DMD: variants seen among roughly 807,000 people sequenced by gnomAD.
DMD encodes dystrophin.
DMD carries 63 observed loss-of-function variants against 330.1 expected under a neutral mutation model. The ratio of observed to expected loss-of-function variants is 0.19; its 90% CI spans 0.16 to 0.24. The LOEUF is 0.24. Ranked by LOEUF, DMD falls within the 10% of genes least tolerant of loss-of-function variation. DMD has a pLI of 1.00. For synonymous variants in DMD, 1,223 were observed against 959.8 expected, an observed-to-expected ratio of 1.27 and a Z score of -5.07; for missense variants, 3,344 against 2,684.1, an observed-to-expected ratio of 1.25 and a Z score of -5.43.
chrX:32,711,068 A>G (rs138492783), intron 7 of DMD, among the ~76,000 whole-genome samples: 355 of 111,901 alleles, frequency 3.2e-3, no homozygotes, highest in African/African-American at 0.01. Flanking sequence ...GACTAAATAG[A>G]GAAAAGGAAA....
chrX:33,174,518 A>T (rs185141026), intron 1 of DMD, among the ~76,000 whole-genome samples: 2 of 111,568 alleles, frequency 1.8e-5, no homozygotes, highest in African/African-American at 3.3e-5. Context: ...TACAAGGCTT[A>T]TATTTGCATA....
chrX:31,731,183 A>T (rs986692870), intron 51 of DMD, among the ~76,000 whole-genome samples: 1 of 112,193 alleles, frequency 8.9e-6, no homozygotes, highest in Non-Finnish European at 1.9e-5. Context: ...GTGATTGCTC[A>T]GAAAAAAAAT....
At chrX:32,511,311 C>A (rs190883323) in intron 18 of DMD, among the ~76,000 whole-genome samples, 21 of 109,768 alleles carry the variant, frequency 1.9e-4, no homozygotes, top group African/African-American at 6.0e-4. Flanking sequence ...ATCACAAGGT[C>A]AGGAGATGGA....
chrX:32,808,728 C>T lies in DMD; in HGVS notation c.649+765G>A, dbSNP rs1014701314. On this transcript the variant is annotated intron_variant, in intron 7 of 78. Transcript: ENST00000357033. ...TACCCAAATATCATCTTCAATCCCACCGATTTCACTTTTCCAACTCCTGAT... is the reference window on the plus strand; with the variant it reads ...TACCCAAATATCATCTTCAATCCCATCGATTTCACTTTTCCAACTCCTGAT... 2.7e-5 allele frequency among the ~76,000 whole-genome samples: 3 copies of T among 111,964 alleles called. No individual in the cohort carries two copies. The South Asian group carries it at 1.1e-3, about 42-fold the overall frequency.
chrX:31,791,700 T>C (rs762581703), intron 50 of DMD, among the ~76,000 whole-genome samples: 7 of 112,152 alleles, frequency 6.2e-5, no homozygotes, highest in Non-Finnish European at 1.1e-4. Flanking sequence ...TTTATCCTTG[T>C]TGTTTCTTAG....
chrX:31,665,943 A>G lies in DMD; in HGVS notation c.7873-7799T>C, dbSNP rs188690819. On this transcript the variant is annotated intron_variant, in intron 53 of 78. Transcript: ENST00000357033. Reference sequence around the variant, plus strand: ...AGTGCTTCGTTACCTTAATTTCATTATGACATTTTTGAAAGCATTCTCTTT... The same window carrying G: ...AGTGCTTCGTTACCTTAATTTCATTGTGACATTTTTGAAAGCATTCTCTTT... Among the ~76,000 whole-genome samples, 12 of 112,107 alleles carry G rather than the reference A, an allele frequency of 1.1e-4. No homozygotes were observed. In the Admixed American group the frequency reaches 1.1e-3, roughly 11 times the overall value.
intron 30 of DMD, among the ~76,000 whole-genome samples, chrX:32,396,596 T>C (rs2098045946): frequency 9.1e-6 from 1 of 109,320 alleles, no homozygotes. Context: ...CAACACTTTG[T>C]AGATGTTATC....
chrX:32,793,543 GA>G (rs539553963), intron 7 of DMD, among the ~76,000 whole-genome samples: 183 of 101,316 alleles, frequency 1.8e-3, no homozygotes, highest in Middle Eastern at 5.2e-3. Context: ...GACTAACCAA[GA>G]AAAAAAAAAG....
chrX:33,096,439 A>C (rs1569554338), intron 1 of DMD, among the ~76,000 whole-genome samples: 1 of 111,346 alleles, frequency 9.0e-6, no homozygotes, highest in African/African-American at 3.3e-5. Flanking sequence ...TAAATCTATA[A>C]GTTAAAATGT....
intron 1 of DMD, among the ~76,000 whole-genome samples, chrX:33,075,388 TA>T (rs2094824207): frequency 9.0e-6 from 1 of 111,290 alleles, no homozygotes; most frequent in Non-Finnish European, 1.9e-5. Context: ...TGAGTAATAG[TA>T]AAACTCTGAT....
At chrX:31,476,420 TAC>T (rs1167527887) in intron 59 of DMD, among the ~76,000 whole-genome samples, 72 of 91,926 alleles carry the variant, frequency 7.8e-4, no homozygotes, top group South Asian at 6.4e-3. Flanking sequence ...TATATATATA[TAC>T]ACACACACAC....
At position 32,375,079 on chromosome X, in the gene DMD, C is replaced by T. The variant is rs183038118; in HGVS notation, c.4845+5431G>A. Among the ~76,000 whole-genome samples the T allele has an allele frequency of 7.2e-5, 8 of 110,971 alleles. No individual in the cohort carries two copies. The East Asian group carries it at 2.3e-3, about 32-fold the overall frequency. On this transcript the variant is annotated intron_variant, in intron 34 of 78. Coordinates refer to ENST00000357033, the MANE Select transcript of DMD (RefSeq NM_004006.3). ...TCTTAAGGATAGAACAGCACTGCTG[C>T]CACACAAACTGACCATACACAGGCT...
intron 55 of DMD, among the ~76,000 whole-genome samples, chrX:31,607,630 C>G (rs965214430): frequency 8.9e-6 from 1 of 112,021 alleles, no homozygotes; most frequent in African/African-American, 3.2e-5. Context: ...TTTGATTAGG[C>G]CAAAATGCAG....
intron 59 of DMD, among the ~76,000 whole-genome samples, chrX:31,451,656 A>T (rs1325378796): frequency 9.0e-6 from 1 of 110,588 alleles, no homozygotes; most frequent in Non-Finnish European, 1.9e-5. Flanking sequence ...CAAAACTGGG[A>T]TTGTCACCCT....
intron 16 of DMD, among the ~76,000 whole-genome samples, chrX:32,552,429 G>A (rs1481176716): frequency 1.8e-5 from 2 of 111,381 alleles, no homozygotes; most frequent in Non-Finnish European, 3.8e-5. Flanking sequence ...AACCCGAGGT[G>A]GATTAAAGAC....
At position 32,518,021 on chromosome X, in the gene DMD, T is replaced by C; in HGVS notation, c.2279A>G (p.Lys760Arg). The change falls in exon 18 of 79, where the codon AAA becomes AGA. Residue 760 changes from lysine (K) to arginine (R), a missense_variant. Physicochemically the swap from Lys to Arg is conservative, Grantham distance 26. Coordinates refer to ENST00000357033, the MANE Select transcript of DMD (RefSeq NM_004006.3). ...TGCATAACCTACATTGACTTTTTCT[T>C]TTAAGTCTGAGAAGTTGCCTTCCTT... is the stretch of plus-strand genomic sequence containing the variant. ...FRKEGNFSDL[K>R]EKVNAIEREK... is the part of the protein sequence containing the mutation. 4 of 1,210,993 alleles carry C rather than the reference T, an allele frequency of 3.3e-6. No homozygotes were observed. Among genetic ancestry groups the C allele is most frequent in the East Asian group, 3.0e-5 (1 of 33,816 alleles).
At chrX:32,077,698 A>G (rs770103881) in intron 44 of DMD, among the ~76,000 whole-genome samples, 3 of 111,307 alleles carry the variant, frequency 2.7e-5, no homozygotes, top group Non-Finnish European at 5.7e-5. Context: ...TATATTATTT[A>G]CTCAGCCTAC....
intron 7 of DMD, among the ~76,000 whole-genome samples, chrX:32,759,848 GGGGGGGGGGGGC>G (rs2072005373): frequency 2.1e-5 from 1 of 47,009 alleles, no homozygotes; most frequent in African/African-American, 1.0e-4. Flanking sequence ...TTTCTTGGGG[GGGGGGGGGGGGC>G]GGGGGAAGAC....
At chrX:32,975,208 A>G (rs936883602) in intron 2 of DMD, among the ~76,000 whole-genome samples, 1 of 110,925 alleles carries the variant, frequency 9.0e-6, no homozygotes, top group African/African-American at 3.3e-5. Flanking sequence ...CCAATATCCA[A>G]TAAACCCAGC....
Sources: allele counts gnomAD v4.1 joint callset (sites outside exome capture counted in the v4.1 genomes callset), GRCh38; gene constraint gnomAD v4.1.1; transcripts MANE v1.5; gene names NCBI Gene and HGNC (gene_info 2026-07-23, HGNC 2026-07-21).